The following NDUFA12 variants were observed in gnomAD, a reference collection of about 807,000 sequenced individuals.
NDUFA12 encodes NADH:ubiquinone oxidoreductase subunit A12, also known as NADH dehydrogenase [ubiquinone] 1 alpha subcomplex subunit 12.
In NDUFA12, 17 loss-of-function variants were observed where a neutral mutation model predicts 20.3. That is an observed-to-expected ratio of 0.84 (90% CI 0.57 to 1.26). NDUFA12 has a LOEUF of 1.26. Ranked by LOEUF, NDUFA12 falls within the 50% of genes most tolerant of loss-of-function variation. NDUFA12 has a pLI of 0.00. For synonymous variants in NDUFA12, 72 were observed against 63.6 expected (o/e 1.13, Z -0.63); for missense variants, 191 against 183.7 (o/e 1.04, Z -0.23).
chr12:94,985,394 G>A (rs1328832714), intron 3 of NDUFA12, among the ~76,000 whole-genome samples: 2 of 151,068 alleles, frequency 1.3e-5, no homozygotes, highest in African/African-American at 4.9e-5. Context: ...GGAGGCCGAG[G>A]TGGGTGGATC....
intron 3 of NDUFA12, among the ~76,000 whole-genome samples, chr12:94,989,973 A>T (rs1273570407): frequency 6.6e-6 from 1 of 152,080 alleles, no homozygotes. Context: ...CCCAAGAAAC[A>T]ATCTCTCAGT....
chr12:94,984,883 C>A (rs1037635225), intron 3 of NDUFA12, among the ~76,000 whole-genome samples: 1 of 151,200 alleles, frequency 6.6e-6, no homozygotes, highest in Admixed American at 6.6e-5. Flanking sequence ...GCGGCTGAGG[C>A]AGGAGAATTG....
In NDUFA12 at chr12:95,003,636, G is replaced by A. The variant is rs1229715680; in HGVS notation, c.45C>T (p.Thr15=). The change falls in exon 1 of 4, where the codon ACC becomes ACT. Residue 15 remains threonine, a synonymous_variant. Transcript: ENST00000327772. ...QVLKRGLQQI[T]GHGGLRGYLR... ...GATAGCCTCGGAGACCGCCGTGGCC[G>A]GTGATCTGCTGCAGCCCGCGTTTCA... 2.5e-6 allele frequency: 4 copies of A among 1,614,036 alleles called. No individual in the cohort carries two copies. The highest frequency in any genetic ancestry group is 1.6e-4 in the Middle Eastern group (1 of 6,084).
chr12:94,973,894 T>C (rs919897296), intron 3 of NDUFA12, among the ~76,000 whole-genome samples: 2 of 149,256 alleles, frequency 1.3e-5, no homozygotes, highest in African/African-American at 4.9e-5. Context: ...TATTATTAAA[T>C]AAGGGGTAAA....
intron 3 of NDUFA12, among the ~76,000 whole-genome samples, chr12:94,977,481 A>G (rs1053873774): frequency 8.2e-5 from 12 of 146,344 alleles, no homozygotes; most frequent in African/African-American, 1.3e-4. Context: ...AAAAAAAAAA[A>G]ACACCCCTCC....
intron 2 of NDUFA12, among the ~76,000 whole-genome samples, chr12:95,001,807 C>T (rs1033079847): frequency 6.6e-6 from 1 of 151,986 alleles, no homozygotes; most frequent in Non-Finnish European, 1.5e-5. Context: ...CTGGTTCAAG[C>T]GATTCTCCTG....
intron 3 of NDUFA12, among the ~76,000 whole-genome samples, chr12:94,983,760 T>TA (rs1401089327): frequency 5.5e-5 from 2 of 36,500 alleles, no homozygotes; most frequent in Non-Finnish European, 1.0e-4. Flanking sequence ...GGCCATGACT[T>TA]ACAACAGCTT....
chr12:94,993,256 AGGTGGGTGG>A (rs1565817979), intron 3 of NDUFA12, among the ~76,000 whole-genome samples: 1 of 90,188 alleles, frequency 1.1e-5, no homozygotes, highest in Admixed American at 1.3e-4. Flanking sequence ...TGAGAGGCCG[AGGTGGGTGG>A]ATCACTTGAG....
chr12:94,999,331 A>G (rs962421195), intron 2 of NDUFA12, among the ~76,000 whole-genome samples: 1 of 152,248 alleles, frequency 6.6e-6, no homozygotes, highest in African/African-American at 2.4e-5. Context: ...ACAAAAATCA[A>G]CTCAAGATGG....
At chr12:94,972,445 G>C (rs1479934676) in intron 3 of NDUFA12, 1 of 454,110 alleles carries the variant, frequency 2.2e-6, no homozygotes, top group African/African-American at 2.0e-5. Context: ...AGTATGCTCA[G>C]GTTACTCTGG....
chr12:94,991,011 T>G (rs942687405), intron 3 of NDUFA12, among the ~76,000 whole-genome samples: 5 of 152,088 alleles, frequency 3.3e-5, no homozygotes, highest in African/African-American at 9.7e-5. Flanking sequence ...AGGCCAGGTG[T>G]GGTGGCTCAT....
chr12:94,996,237 A>G (rs11107854), intron 2 of NDUFA12, among the ~76,000 whole-genome samples: 72,224 of 151,190 alleles, frequency 0.48, 17,985 homozygotes, highest in African/African-American at 0.6. Flanking sequence ...AAATATACAT[A>G]AAGACTAAAC....
chr12:94,987,754 T>C (rs1874495620), intron 3 of NDUFA12, among the ~76,000 whole-genome samples: 1 of 128,654 alleles, frequency 7.8e-6, no homozygotes. Context: ...ACTGTACCAC[T>C]GCACTCCAGC....
intron 3 of NDUFA12, among the ~76,000 whole-genome samples, chr12:94,975,937 T>C (rs1191839253): frequency 1.3e-5 from 2 of 151,906 alleles, no homozygotes; most frequent in South Asian, 2.1e-4. Context: ...TCCTAGCTAC[T>C]TGGGAGGCTG....
At chr12:94,986,772 CAG>C (rs1874458996) in intron 3 of NDUFA12, among the ~76,000 whole-genome samples, 1 of 152,162 alleles carries the variant, frequency 6.6e-6, no homozygotes, top group South Asian at 2.1e-4. Context: ...GCCTGGGCGA[CAG>C]AGTGAGACCC....
intron 3 of NDUFA12, among the ~76,000 whole-genome samples, chr12:94,974,658 C>T (rs946519507): frequency 6.6e-6 from 1 of 152,108 alleles, no homozygotes; most frequent in African/African-American, 2.4e-5. Context: ...GGGTACTATT[C>T]AGCCATAAAA....
intron 3 of NDUFA12, among the ~76,000 whole-genome samples, chr12:94,984,706 C>T (rs1592701019): frequency 2.0e-5 from 1 of 51,158 alleles, no homozygotes; most frequent in Non-Finnish European, 3.4e-5. Flanking sequence ...CCCTCTAATG[C>T]TAATAGCCAA....
Position 94,991,470 on chromosome 12 carries a change from G to A in NDUFA12, c.257+2700C>T, listed in dbSNP as rs538940490. 1.1e-3 allele frequency among the ~76,000 whole-genome samples: 160 copies of A among 151,750 alleles called. 1 individual carries two copies. The highest frequency in any genetic ancestry group is 3.7e-3 in the African/African-American group (155 of 41,422). ...TGACCCGGTGCAGTGGCTCATGCCT[G>A]TAATCCCTACACTTTGCGAGGCCAA... On this transcript the variant is annotated intron_variant, in intron 3 of 3. Transcript: ENST00000327772.
intron 3 of NDUFA12, among the ~76,000 whole-genome samples, chr12:94,983,903 G>C (rs1485323439): frequency 6.6e-6 from 1 of 152,080 alleles, no homozygotes; most frequent in African/African-American, 2.4e-5. Flanking sequence ...GTAGCACTTG[G>C]TATGTGAGGG....
Sources: gnomAD v4.1 joint callset for allele counts (sites outside exome capture counted in the v4.1 genomes callset) on GRCh38, gnomAD v4.1.1 for gene constraint, MANE v1.5 for transcripts, NCBI Gene and HGNC (gene_info 2026-07-23, HGNC 2026-07-21) for gene names.